The following CALD1 variants were observed in gnomAD, a reference collection of about 807,000 sequenced individuals.
CALD1 encodes caldesmon 1, also known as caldesmon.
CALD1 carries 33 observed loss-of-function variants against 99.9 expected under a neutral mutation model. The ratio of observed to expected loss-of-function variants is 0.33; its 90% CI spans 0.25 to 0.44. The LOEUF is 0.44. CALD1 is among the 20% of genes least tolerant of loss of function. The pLI, the probability that CALD1 is intolerant of heterozygous loss-of-function variation, is 1.00. For synonymous variants in CALD1, 310 were observed against 325.0 expected (o/e 0.95, Z 0.50); for missense variants, 861 against 962.1 (o/e 0.89, Z 1.39).
intron 1 of CALD1, among the ~76,000 whole-genome samples, chr7:134,797,568 C>T (rs762268764): frequency 1.4e-4 from 21 of 152,126 alleles, no homozygotes; most frequent in Non-Finnish European, 1.8e-4. Flanking sequence ...CAGGCTTGAA[C>T]GAGCAATCAT....
At chr7:134,878,510 A>G (rs1369521329) in intron 3 of CALD1, among the ~76,000 whole-genome samples, 1 of 152,184 alleles carries the variant, frequency 6.6e-6, no homozygotes, top group Non-Finnish European at 1.5e-5. Context: ...CAGAGGTTGC[A>G]GTGAGCCGAG....
At chr7:134,925,631 TA>T in intron 3 of CALD1, among the ~76,000 whole-genome samples, 1 of 152,074 alleles carries the variant, frequency 6.6e-6, no homozygotes, top group Admixed American at 6.5e-5. Context: ...CAAACACTTA[TA>T]AAAACCTTGA....
chr7:134,753,023 CAAAAAAAAACA>C (rs1562988966), intron 1 of CALD1, among the ~76,000 whole-genome samples: 8 of 48,624 alleles, frequency 1.6e-4, no homozygotes, highest in East Asian at 5.7e-3. Context: ...AAAAAAAAAA[CAAAAAAAAACA>C]AAAAAAAAAA....
chr7:134,766,141 C>CTTTTTT (rs71172475), intron 1 of CALD1, among the ~76,000 whole-genome samples: 2,019 of 70,942 alleles, frequency 0.028, 41 homozygotes, highest in Non-Finnish European at 0.039. Context: ...CTTTTCTTTT[C>CTTTTTT]TTTTTTTTTT....
intron 2 of CALD1, among the ~76,000 whole-genome samples, chr7:134,846,559 C>T (rs1006342858): frequency 6.6e-6 from 1 of 152,212 alleles, no homozygotes; most frequent in Non-Finnish European, 1.5e-5. Context: ...ATTTATTCAT[C>T]TCTCTTTTAT....
intron 1 of CALD1, among the ~76,000 whole-genome samples, chr7:134,837,139 G>T (rs1255419836): frequency 6.6e-6 from 1 of 151,380 alleles, no homozygotes; most frequent in Non-Finnish European, 1.5e-5. Flanking sequence ...AATTTCCCTG[G>T]GTAGCTTGCT....
chr7:134,923,329 T>C (rs150733950), intron 3 of CALD1, among the ~76,000 whole-genome samples: 2 of 152,374 alleles, frequency 1.3e-5, no homozygotes, highest in Non-Finnish European at 2.9e-5. Flanking sequence ...ACTTTATAGA[T>C]CATTTGTGGA....
Position 134,947,619 on chromosome 7 carries a change from C to CGAAGAGTT in CALD1, c.1645_1652dup (p.Phe551LeufsTer57), listed in dbSNP as rs1443763938. 1 of 1,564,936 alleles carries CGAAGAGTT rather than the reference C, an allele frequency of 6.4e-7. No homozygotes were observed. The highest frequency in any genetic ancestry group is 8.7e-7 in the Non-Finnish European group (1 of 1,154,420). ...GTCGTCGTCGCGGGGAGACCGAGAG[C>CGAAGAGTT]GAAGAGTTCGAGAAGCTCAAACAGA... On this transcript the variant is annotated frameshift_variant, in exon 8 of 15. Transcript: ENST00000361675. LOFTEE classifies it high-confidence loss of function.
At position 134,876,034 on chromosome 7, in the gene CALD1, T is replaced by A. The variant is rs551237704; in HGVS notation, c.71+8230T>A. Among the ~76,000 whole-genome samples, 14 of 152,346 alleles carry A rather than the reference T, an allele frequency of 9.2e-5. No individual in the cohort carries two copies. The South Asian group carries it at 2.7e-3, about 29-fold the overall frequency. ...AAACTTAAGGCTGTCTCTGACCTTA[T>A]GAATCATCTTCCGCAGGGGAACATT... is the stretch of plus-strand genomic sequence containing the variant. On this transcript the variant is annotated intron_variant, in intron 3 of 14. Transcript: ENST00000361675.
chr7:134,943,641 A>G (rs1281743707), intron 7 of CALD1, among the ~76,000 whole-genome samples: 1 of 152,210 alleles, frequency 6.6e-6, no homozygotes, highest in African/African-American at 2.4e-5. Context: ...ATAGAAAAAA[A>G]TACTCATTAT....
chr7:134,812,073 T>G (rs1729072282), intron 1 of CALD1, among the ~76,000 whole-genome samples: 1 of 152,228 alleles, frequency 6.6e-6, no homozygotes, highest in African/African-American at 2.4e-5. Context: ...GACTTAAGGT[T>G]AAAAGGTTTT....
intron 1 of CALD1, among the ~76,000 whole-genome samples, chr7:134,806,828 G>A (rs1457009917): frequency 6.6e-6 from 1 of 152,052 alleles, no homozygotes; most frequent in African/African-American, 2.4e-5. Flanking sequence ...AGTGTAACAT[G>A]GTGGTCAAAG....
In CALD1 at chr7:134,860,262, T is replaced by A. The variant is rs530081750; in HGVS notation, c.-41-7431T>A. 5.3e-5 allele frequency among the ~76,000 whole-genome samples: 8 copies of A among 152,318 alleles called. No individual in the cohort carries two copies. In the South Asian group the frequency reaches 1.7e-3, roughly 32 times the overall value. ...TGCAAACTGTACATTATAATCCATT[T>A]GTTTATTTGGTTTTTCAATCCCAAA... On this transcript the variant is annotated intron_variant, in intron 2 of 14. Transcript: ENST00000361675.
chr7:134,808,032 C>G (rs749173998), intron 1 of CALD1, among the ~76,000 whole-genome samples: 2 of 152,008 alleles, frequency 1.3e-5, no homozygotes, highest in African/African-American at 2.4e-5. Flanking sequence ...AATTCTGCCA[C>G]ACATGAAACA....
chr7:134,950,552 T>C lies in CALD1; in HGVS notation c.1935+38T>C, dbSNP rs1368115037. The C allele has an allele frequency of 5.8e-6, 9 of 1,558,588 alleles. No homozygotes were observed. The East Asian group carries it at 6.7e-5, about 12-fold the overall frequency. On this transcript the variant is annotated intron_variant, in intron 9 of 14. Coordinates refer to ENST00000361675, the MANE Select transcript of CALD1 (RefSeq NM_033138.4). ...CCAGAAAACTTCTATTAGAATATGA[T>C]AGAGACTGGATTTTAGCCCCTTGTT...
At chr7:134,722,790 T>A in the CALD1 span, among the ~76,000 whole-genome samples, 1 of 152,196 alleles carries the variant, frequency 6.6e-6, no homozygotes, top group African/African-American at 2.4e-5. Flanking sequence ...CTTTCTGCTA[T>A]CCTTTTACTT....
intron 1 of CALD1, among the ~76,000 whole-genome samples, chr7:134,834,319 A>C (rs17800927): frequency 0.11 from 16,255 of 152,234 alleles, 914 homozygotes; most frequent in Non-Finnish European, 0.11. Flanking sequence ...ATTATATGAA[A>C]ACTGTTTAGC....
chr7:134,762,475 C>T (rs1261699887), intron 1 of CALD1, among the ~76,000 whole-genome samples: 1 of 152,158 alleles, frequency 6.6e-6, no homozygotes, highest in Non-Finnish European at 1.5e-5. Context: ...TCCATTCTCA[C>T]ATTACTATAA....
chr7:134,935,034 C>T (rs951926638), intron 5 of CALD1, among the ~76,000 whole-genome samples: 1 of 152,052 alleles, frequency 6.6e-6, no homozygotes, highest in African/African-American at 2.4e-5. Context: ...TTAATGTAGA[C>T]TTGCAGAAAG....
Sources: allele counts gnomAD v4.1 joint callset (sites outside exome capture counted in the v4.1 genomes callset), GRCh38; gene constraint gnomAD v4.1.1; transcripts MANE v1.5; gene names NCBI Gene and HGNC (gene_info 2026-07-23, HGNC 2026-07-21).